PBX1: variants seen among roughly 807,000 people sequenced by gnomAD.
PBX1 encodes PBX homeobox 1.
Under a neutral mutation model 53.4 loss-of-function variants are expected in PBX1, and 6 were observed. The observed-to-expected ratio is 0.11, with a 90% CI of 0.06 to 0.22. The LOEUF (loss-of-function observed/expected upper bound fraction) is 0.22, where lower values mean the gene tolerates loss of function less well. Among genes scored for constraint, PBX1 ranks in the 10% least tolerant of loss-of-function variants. PBX1 has a pLI of 1.00. For synonymous variants in PBX1, 204 were observed against 212.3 expected (o/e 0.96, Z 0.34); for missense variants, 251 against 551.4 (o/e 0.46, Z 5.46).
chr1:164,842,745 T>A (rs747242425), intron 8 of PBX1, among the ~76,000 whole-genome samples: 4 of 152,118 alleles, frequency 2.6e-5, no homozygotes, highest in Non-Finnish European at 4.4e-5. Context: ...GTACCTTTGG[T>A]TTTGCAGATT....
rs1557859402 is a variant in PBX1 at position 164,559,612 on chromosome 1, GC to G, written c.-206del. 2.5e-5 allele frequency: 4 copies of G among 159,900 alleles called. No individual in the cohort carries two copies. Among genetic ancestry groups the G allele is most frequent in the Non-Finnish European group, 3.3e-5 (3 of 89,762 alleles). The allele number at this position is 159,900 out of a possible 1,614,324, so 9.9% of individuals were successfully genotyped here. ...CACCCTCACCCCGCAACCCCTTCAC[GC>G]CCCCTCCCCCTCCCCCTCCTCATCC... is the stretch of plus-strand genomic sequence containing the variant. On this transcript the variant is annotated 5_prime_UTR_variant, in exon 1 of 9. Coordinates refer to ENST00000420696, the MANE Select transcript of PBX1 (RefSeq NM_002585.4).
intron 2 of PBX1, among the ~76,000 whole-genome samples, chr1:164,760,542 T>C (rs1470583529): frequency 6.6e-6 from 1 of 152,080 alleles, no homozygotes; most frequent in Non-Finnish European, 1.5e-5. Context: ...ACACTTTGTT[T>C]GGTTAACTCC....
chr1:164,820,198 C>T lies in PBX1; in HGVS notation c.1110+14C>T. ...GTGCAATCACAGGTAGGGACCCAGC[C>T]AATATGTCACCAGGTGAATGCCTTA... On this transcript the variant is annotated intron_variant, in intron 7 of 8. Transcript: ENST00000420696. 3.4e-6 allele frequency: 5 copies of T among 1,467,212 alleles called. No individual in the cohort carries two copies. Among genetic ancestry groups the T allele is most frequent in the Non-Finnish European group, 4.8e-6 (5 of 1,046,220 alleles). The allele number at this position is 1,467,212 out of a possible 1,614,324, so 90.9% of individuals were successfully genotyped here.
intron 2 of PBX1, among the ~76,000 whole-genome samples, chr1:164,765,576 C>T (rs1306700240): frequency 6.6e-6 from 1 of 152,176 alleles, no homozygotes; most frequent in Non-Finnish European, 1.5e-5. Context: ...TCTGTGTGCC[C>T]AGCTTTAGTC....
At chr1:164,684,151 G>A (rs1661957136) in intron 2 of PBX1, 1 of 152,106 alleles carries the variant, frequency 6.6e-6, no homozygotes, top group African/African-American at 2.4e-5. Flanking sequence ...TCCTGTTTAT[G>A]TACAGAATAT....
intron 4 of PBX1, among the ~76,000 whole-genome samples, chr1:164,801,586 C>T (rs924535243): frequency 6.6e-6 from 1 of 152,074 alleles, no homozygotes; most frequent in African/African-American, 2.4e-5. Flanking sequence ...AGCTGAAGGT[C>T]AGACTTTAAC....
intron 2 of PBX1, among the ~76,000 whole-genome samples, chr1:164,713,085 C>A (rs1311961719): frequency 6.6e-6 from 1 of 152,128 alleles, no homozygotes; most frequent in African/African-American, 2.4e-5. Context: ...GATTGAGGCT[C>A]AAGGAGGATG....
intron 2 of PBX1, among the ~76,000 whole-genome samples, chr1:164,632,684 T>G (rs1658485001): frequency 6.6e-6 from 1 of 152,166 alleles, no homozygotes; most frequent in African/African-American, 2.4e-5. Flanking sequence ...AGCACACTTA[T>G]ATCTAGGCTT....
intron 2 of PBX1, among the ~76,000 whole-genome samples, chr1:164,752,082 GT>G (rs780425537): frequency 6.6e-6 from 1 of 151,988 alleles, no homozygotes; most frequent in African/African-American, 2.4e-5. Flanking sequence ...TGATTCATAG[GT>G]TTGGCAAAGT....
At chr1:164,756,684 T>C (rs1666543188) in intron 2 of PBX1, among the ~76,000 whole-genome samples, 1 of 152,232 alleles carries the variant, frequency 6.6e-6, no homozygotes, top group Admixed American at 6.5e-5. Context: ...ATCTGGCATG[T>C]TTCTTAGCTC....
intron 2 of PBX1, among the ~76,000 whole-genome samples, chr1:164,755,217 G>A (rs7545830): frequency 0.23 from 34,220 of 152,088 alleles, 5,241 homozygotes; most frequent in African/African-American, 0.42. Flanking sequence ...CTGGAGTGCA[G>A]TGGCACAATC....
chr1:164,835,174 AG>A (rs993497395), intron 8 of PBX1, among the ~76,000 whole-genome samples: 4 of 152,008 alleles, frequency 2.6e-5, no homozygotes, highest in Non-Finnish European at 5.9e-5. Flanking sequence ...AAACTGTTAT[AG>A]GGAAAGTCCA....
intron 2 of PBX1, among the ~76,000 whole-genome samples, chr1:164,594,927 T>C (rs1017371907): frequency 5.9e-5 from 9 of 152,186 alleles, no homozygotes; most frequent in Non-Finnish European, 7.3e-5. Flanking sequence ...AACTAATAAG[T>C]GGCAGAAATG....
chr1:164,824,402 C>G (rs538474426), intron 8 of PBX1, among the ~76,000 whole-genome samples: 1 of 152,326 alleles, frequency 6.6e-6, no homozygotes, highest in South Asian at 2.1e-4. Flanking sequence ...ACCCTTTATA[C>G]TTACTTCAAG....
At chr1:164,727,232 T>C (rs1048389989) in intron 2 of PBX1, among the ~76,000 whole-genome samples, 1 of 152,258 alleles carries the variant, frequency 6.6e-6, no homozygotes, top group Non-Finnish European at 1.5e-5. Context: ...ATTCATTTAA[T>C]GTGTGCCCTT....
chr1:164,612,143 A>G (rs1217392809), intron 2 of PBX1, among the ~76,000 whole-genome samples: 3 of 152,150 alleles, frequency 2.0e-5, no homozygotes, highest in Non-Finnish European at 4.4e-5. Context: ...AGGCGGGGCT[A>G]GGGTGGTGTA....
intron 2 of PBX1, among the ~76,000 whole-genome samples, chr1:164,656,046 C>A (rs1218957065): frequency 6.6e-6 from 1 of 152,084 alleles, no homozygotes; most frequent in Non-Finnish European, 1.5e-5. Context: ...TAATATGGAA[C>A]ATTTAAAAAT....
intron 2 of PBX1, among the ~76,000 whole-genome samples, chr1:164,628,339 C>G (rs1431580313): frequency 6.6e-6 from 1 of 152,180 alleles, no homozygotes; most frequent in African/African-American, 2.4e-5. Flanking sequence ...AGTCCCCTAT[C>G]TCCTGCTCTG....
chr1:164,662,329 C>T (rs978067907), intron 2 of PBX1, among the ~76,000 whole-genome samples: 1 of 152,126 alleles, frequency 6.6e-6, no homozygotes, highest in Non-Finnish European at 1.5e-5. Context: ...CTGTCTCAAA[C>T]AAACAAACAA....
Sources: gnomAD v4.1 joint callset for allele counts (sites outside exome capture counted in the v4.1 genomes callset) on GRCh38, gnomAD v4.1.1 for gene constraint, MANE v1.5 for transcripts, NCBI Gene and HGNC (gene_info 2026-07-23, HGNC 2026-07-21) for gene names.